The following CAST variants were observed in gnomAD, a reference collection of about 807,000 sequenced individuals.
CAST encodes MIR583 host.
CAST carries 76 observed loss-of-function variants against 119.6 expected under a neutral mutation model. That is an observed-to-expected ratio of 0.64 (90% CI 0.53 to 0.77). The LOEUF (loss-of-function observed/expected upper bound fraction) is 0.77, where lower values mean the gene tolerates loss of function less well. Ranked by LOEUF, CAST falls within the 30% of genes least tolerant of loss-of-function variation. CAST has a pLI of 0.00. For missense variants in CAST, 953 were observed against 946.5 expected (o/e 1.01, Z -0.09); for synonymous variants, 319 against 331.6 (o/e 0.96, Z 0.41).
At chr5:96,220,138 C>T in the CAST span, among the ~76,000 whole-genome samples, 5 of 152,146 alleles carry the variant, frequency 3.3e-5, no homozygotes, top group Non-Finnish European at 5.9e-5. Flanking sequence ...GCTAATGGGA[C>T]GTGAGGAGAA....
At chr5:96,461,425 A>AT in the CAST span, among the ~76,000 whole-genome samples, 1 of 152,076 alleles carries the variant, frequency 6.6e-6, no homozygotes, top group African/African-American at 2.4e-5. Flanking sequence ...TTTTTGAGGA[A>AT]TTTTCTAGAA....
the CAST span, among the ~76,000 whole-genome samples, chr5:96,053,603 TGCA>T: frequency 6.6e-6 from 1 of 152,208 alleles, no homozygotes; most frequent in African/African-American, 2.4e-5. Flanking sequence ...GTAAACCAAC[TGCA>T]GCATGACATA....
At chr5:96,677,044 A>G (rs1750800301) in intron 2 of CAST, among the ~76,000 whole-genome samples, 1 of 149,778 alleles carries the variant, frequency 6.7e-6, no homozygotes, top group South Asian at 2.1e-4. Context: ...CAAAAAAAAA[A>G]AAAGAAAAGA....
the CAST span, among the ~76,000 whole-genome samples, chr5:96,380,354 GC>G: frequency 6.6e-6 from 1 of 152,208 alleles, no homozygotes; most frequent in African/African-American, 2.4e-5. Flanking sequence ...TTGAATATAT[GC>G]CTTTTAAGTT....
At chr5:96,562,328 A>G (rs187045430) in intron 1 of CAST, among the ~76,000 whole-genome samples, 1 of 152,340 alleles carries the variant, frequency 6.6e-6, no homozygotes, top group Admixed American at 6.5e-5. Flanking sequence ...TCAAAATCAC[A>G]TGAATAATAT....
At chr5:96,144,927 T>G in the CAST span, among the ~76,000 whole-genome samples, 1 of 152,172 alleles carries the variant, frequency 6.6e-6, no homozygotes, top group Admixed American at 6.5e-5. Flanking sequence ...GTTCTGGAGA[T>G]AGAGAGATAC....
chr5:96,061,315 A>G, the CAST span, among the ~76,000 whole-genome samples: 12 of 152,140 alleles, frequency 7.9e-5, no homozygotes, highest in Non-Finnish European at 2.9e-5. Flanking sequence ...CGAATGGCCT[A>G]TCATGAGCTG....
chr5:96,562,425 G>A (rs1746395456), intron 1 of CAST, among the ~76,000 whole-genome samples: 1 of 152,100 alleles, frequency 6.6e-6, no homozygotes, highest in Admixed American at 6.5e-5. Flanking sequence ...CAACCACAAT[G>A]AAATACACAT....
intron 1 of CAST, among the ~76,000 whole-genome samples, chr5:96,670,641 G>T (rs541022299): frequency 6.6e-6 from 1 of 152,156 alleles, no homozygotes; most frequent in Non-Finnish European, 1.5e-5. Context: ...GGGACTACAG[G>T]TGTGCACCAC....
At chr5:96,351,823 G>C in the CAST span, among the ~76,000 whole-genome samples, 2 of 151,818 alleles carry the variant, frequency 1.3e-5, no homozygotes, top group Non-Finnish European at 2.9e-5. Flanking sequence ...AAGTGCTTAG[G>C]GATAGAGAAG....
At chr5:96,501,425 C>T in the CAST span, among the ~76,000 whole-genome samples, 52 of 152,078 alleles carry the variant, frequency 3.4e-4, no homozygotes, top group Middle Eastern at 0.024. Flanking sequence ...TGTGGAACAA[C>T]GTTAATATCT....
the CAST span, among the ~76,000 whole-genome samples, chr5:95,965,568 G>T: frequency 6.6e-6 from 1 of 152,184 alleles, no homozygotes; most frequent in Non-Finnish European, 1.5e-5. Flanking sequence ...TAGCACAGAA[G>T]CTCTCTCAAT....
At chr5:96,035,595 AAT>A in the CAST span, among the ~76,000 whole-genome samples, 1 of 151,974 alleles carries the variant, frequency 6.6e-6, no homozygotes, top group Non-Finnish European at 1.5e-5. Flanking sequence ...TGGAAGGTGT[AAT>A]ATGGGGAGTG....
At chr5:96,351,669 T>G in the CAST span, among the ~76,000 whole-genome samples, 1 of 151,628 alleles carries the variant, frequency 6.6e-6, no homozygotes, top group African/African-American at 2.4e-5. Flanking sequence ...AAAGAAACAC[T>G]GAGGGGAAAG....
At chr5:96,492,532 T>C in the CAST span, among the ~76,000 whole-genome samples, 1 of 152,264 alleles carries the variant, frequency 6.6e-6, no homozygotes, top group Non-Finnish European at 1.5e-5. Flanking sequence ...TCAAAGCTTT[T>C]CGCTTACATA....
chr5:96,119,394 C>A, the CAST span, among the ~76,000 whole-genome samples: 1 of 152,074 alleles, frequency 6.6e-6, no homozygotes, highest in Admixed American at 6.6e-5. Flanking sequence ...TTAAAAAAAT[C>A]TGGAATCCCA....
At chr5:96,435,934 AC>A in the CAST span, among the ~76,000 whole-genome samples, 1 of 152,248 alleles carries the variant, frequency 6.6e-6, no homozygotes, top group African/African-American at 2.4e-5. Context: ...CCTTGGGCAT[AC>A]TAAACAATGT....
chr5:96,416,105 C>A, the CAST span: 1 of 1,610,670 alleles, frequency 6.2e-7, no homozygotes, highest in Non-Finnish European at 8.5e-7. Context: ...ATTTCTCCTG[C>A]ACATCTGGTC....
the CAST span, among the ~76,000 whole-genome samples, chr5:96,243,799 C>G: frequency 2.6e-5 from 4 of 152,192 alleles, no homozygotes; most frequent in Middle Eastern, 6.8e-3. Flanking sequence ...TAAAACTACC[C>G]CGACCTCTCC....
Sources: gnomAD v4.1 joint callset for allele counts (sites outside exome capture counted in the v4.1 genomes callset) on GRCh38, gnomAD v4.1.1 for gene constraint, MANE v1.5 for transcripts, NCBI Gene and HGNC (gene_info 2026-07-23, HGNC 2026-07-21) for gene names.